MARCHF10: variants seen among roughly 807,000 people sequenced by gnomAD.
MARCHF10 encodes the protein membrane associated ring-CH-type finger 10, also known as probable E3 ubiquitin-protein ligase MARCHF10.
A neutral mutation model predicts 76.2 loss-of-function variants in MARCHF10; 64 were observed. That is an observed-to-expected ratio of 0.84 (90% CI 0.69 to 1.03). MARCHF10 has a LOEUF of 1.03. MARCHF10 is among the 50% of genes least tolerant of loss of function. The pLI is 0.00. For synonymous variants in MARCHF10, 340 were observed against 357.5 expected, an observed-to-expected ratio of 0.95 and a Z score of 0.55; for missense variants, 875 against 958.0, an observed-to-expected ratio of 0.91 and a Z score of 1.14.
At position 62,722,510 on chromosome 17, in the gene MARCHF10, T is replaced by A; in HGVS notation, c.2192A>T (p.Tyr731Phe). The A allele has an allele frequency of 8.7e-6, 14 of 1,613,416 alleles. 1 individual carries two copies. The highest frequency in any genetic ancestry group is 1.1e-5 in the Non-Finnish European group (13 of 1,179,734). ...DLGDFNMIEF[Y>F]QKHQQSQAQN... ...TACCTGAGATTGCTGGTGCTTCTGGTAGAACTCAATCATGTTAAAGTCACC... is the reference window on the plus strand; with the variant it reads ...TACCTGAGATTGCTGGTGCTTCTGGAAGAACTCAATCATGTTAAAGTCACC... The change falls in exon 8 of 11, where the codon TAC (tyrosine) becomes TTC (phenylalanine). Residue 731 changes from tyrosine (Y) to phenylalanine (F), a missense_variant. Transcript: ENST00000311269.
intron 4 of MARCHF10, among the ~76,000 whole-genome samples, chr17:62,755,884 C>CGGG (rs2092025209): frequency 1.3e-5 from 2 of 151,986 alleles, no homozygotes; most frequent in South Asian, 4.1e-4. Context: ...GAGGCCAAGG[C>CGGG]GGGAGGATCA....
At chr17:62,793,163 C>CCAT (rs2092900831) in intron 2 of MARCHF10, among the ~76,000 whole-genome samples, 1 of 144,706 alleles carries the variant, frequency 6.9e-6, no homozygotes, top group Non-Finnish European at 1.5e-5. Flanking sequence ...ACCATCACCA[C>CCAT]CACCACCTCC....
At chr17:62,767,414 C>A (rs17684769) in intron 3 of MARCHF10, among the ~76,000 whole-genome samples, 22 of 149,144 alleles carry the variant, frequency 1.5e-4, no homozygotes, top group Non-Finnish European at 2.5e-4. Flanking sequence ...ACCAATTAAC[C>A]TTGAAATAAA....
chr17:62,736,358 T>A lies in MARCHF10; in HGVS notation c.1510A>T (p.Asn504Tyr). 6.2e-7 allele frequency: 1 copy of A among 1,614,184 alleles called. No individual in the cohort carries two copies. Among genetic ancestry groups the A allele is most frequent in the Non-Finnish European group, 8.5e-7 (1 of 1,180,032 alleles). ...TSVHSSDSEGNSGFHVCQPLS... is the reference protein window; with the variant it reads ...TSVHSSDSEGYSGFHVCQPLS... Reference sequence around the variant, plus strand: ...GGTTGGCAAACATGAAACCCTGAGTTTCCCTCTGAGTCTGAGCTGTGAACT... The same window carrying A: ...GGTTGGCAAACATGAAACCCTGAGTATCCCTCTGAGTCTGAGCTGTGAACT... The change falls in exon 6 of 11, where the codon AAC becomes TAC. Residue 504 changes from asparagine (N) to tyrosine (Y), a missense_variant. By Grantham distance (143) the Asn-to-Tyr change is moderately radical. Transcript: ENST00000311269.
chr17:62,703,276 A>T (rs576830359), intron 10 of MARCHF10: 101 of 152,368 alleles, frequency 6.6e-4, no homozygotes, highest in African/African-American at 2.3e-3. Context: ...GTGTACCTCA[A>T]CCGAGCTAGG....
intron 2 of MARCHF10, among the ~76,000 whole-genome samples, chr17:62,791,511 T>C (rs1430235765): frequency 1.3e-5 from 2 of 152,186 alleles, no homozygotes; most frequent in Non-Finnish European, 2.9e-5. Context: ...GGAGGAAGAA[T>C]AGATTGGTTT....
chr17:62,706,065 CTG>C (rs1275519978), intron 9 of MARCHF10: 1 of 157,096 alleles, frequency 6.4e-6, no homozygotes, highest in East Asian at 1.9e-4. Flanking sequence ...ATAAGAAACA[CTG>C]TGTACTCCGT....
At chr17:62,765,483 G>A (rs960230816) in intron 3 of MARCHF10, among the ~76,000 whole-genome samples, 5 of 151,706 alleles carry the variant, frequency 3.3e-5, no homozygotes, top group Non-Finnish European at 5.9e-5. Flanking sequence ...GGCTTCTCTC[G>A]GATTTTCAGT....
At chr17:62,788,797 C>T (rs557186553) in intron 2 of MARCHF10, among the ~76,000 whole-genome samples, 198 bp from the exon 3 acceptor site, 1 of 151,978 alleles carries the variant, frequency 6.6e-6, no homozygotes, top group East Asian at 1.9e-4. Context: ...GGCGCGGTGG[C>T]TCACGCCTGT....
At chr17:62,791,637 T>C (rs2092844589) in intron 2 of MARCHF10, among the ~76,000 whole-genome samples, 1 of 152,168 alleles carries the variant, frequency 6.6e-6, no homozygotes, top group African/African-American at 2.4e-5. Context: ...AGCCAAGCAA[T>C]CTTTCTACGT....
chr17:62,743,579 G>A (rs1449357528), intron 5 of MARCHF10, among the ~76,000 whole-genome samples: 1 of 152,148 alleles, frequency 6.6e-6, no homozygotes, highest in Non-Finnish European at 1.5e-5. Context: ...GGAGGTGGAG[G>A]TTGCAGTGAG....
intron 10 of MARCHF10, chr17:62,705,082 G>T: frequency 9.6e-7 from 1 of 1,042,616 alleles, no homozygotes; most frequent in South Asian, 3.5e-5. Context: ...GAATTCAGCA[G>T]ACCCCAAATC....
At chr17:62,739,694 T>C (rs1454060958) in intron 5 of MARCHF10, among the ~76,000 whole-genome samples, 1 of 152,194 alleles carries the variant, frequency 6.6e-6, no homozygotes, top group Non-Finnish European at 1.5e-5. Context: ...TGATGACTTT[T>C]TGTTTTGAAT....
At chr17:62,763,105 C>G (rs1170502301) in intron 3 of MARCHF10, among the ~76,000 whole-genome samples, 1 of 152,170 alleles carries the variant, frequency 6.6e-6, no homozygotes, top group African/African-American at 2.4e-5. Flanking sequence ...TATATATGTA[C>G]GCATAGCACT....
chr17:62,761,595 T>C (rs752398661), intron 3 of MARCHF10, among the ~76,000 whole-genome samples: 22 of 152,228 alleles, frequency 1.4e-4, no homozygotes, highest in Admixed American at 2.6e-4. Context: ...CTAATTTTTG[T>C]ATTTTTAGTA....
chr17:62,781,353 T>C (rs894229238), intron 3 of MARCHF10, among the ~76,000 whole-genome samples: 2 of 152,316 alleles, frequency 1.3e-5, no homozygotes, highest in African/African-American at 4.8e-5. Flanking sequence ...AGAAGTCTCC[T>C]TCGTTTTCAC....
At chr17:62,789,083 A>AC (rs1194286440) in intron 2 of MARCHF10, among the ~76,000 whole-genome samples, 2 of 150,304 alleles carry the variant, frequency 1.3e-5, no homozygotes, top group Admixed American at 6.6e-5. Flanking sequence ...AAAAAAAAAA[A>AC]AAAAAAAAAA....
intron 8 of MARCHF10, among the ~76,000 whole-genome samples, chr17:62,714,204 C>T (rs1299182425): frequency 1.3e-5 from 2 of 152,156 alleles, no homozygotes; most frequent in Non-Finnish European, 1.5e-5. Context: ...GGGTGTGTTC[C>T]AATTCAGTGA....
At chr17:62,807,917 AC>A (rs2093186837) in intron 1 of MARCHF10, among the ~76,000 whole-genome samples, 159 bp downstream of exon 1, 1 of 152,170 alleles carries the variant, frequency 6.6e-6, no homozygotes, top group African/African-American at 2.4e-5. Context: ...TCCCTCTGAG[AC>A]AGAAAAATGC....
Sources: allele counts gnomAD v4.1 joint callset (sites outside exome capture counted in the v4.1 genomes callset), GRCh38; gene constraint gnomAD v4.1.1; transcripts MANE v1.5; gene names NCBI Gene and HGNC (gene_info 2026-07-23, HGNC 2026-07-21).